The following CACNA1A variants were observed in gnomAD, a reference collection of about 807,000 sequenced individuals.
CACNA1A encodes the protein voltage-dependent P/Q-type calcium channel subunit alpha-1A.
A neutral mutation model predicts 262.4 loss-of-function variants in CACNA1A; 57 were observed. The observed-to-expected ratio is 0.22, with a 90% confidence interval of 0.18 to 0.27. The LOEUF (loss-of-function observed/expected upper bound fraction) is 0.27, where lower values mean the gene tolerates loss of function less well. Ranked by LOEUF, CACNA1A falls within the 10% of genes least tolerant of loss-of-function variation. CACNA1A has a pLI of 1.00. For missense variants in CACNA1A, 2,526 were observed against 3,562.8 expected (o/e 0.71, Z 7.41); for synonymous variants, 1,431 against 1,419.3 (o/e 1.01, Z -0.18).
At chr19:13,246,634 T>TG (rs199602723) in intron 30 of CACNA1A, among the ~76,000 whole-genome samples, 20,899 of 151,692 alleles carry the variant, frequency 0.14, 2,229 homozygotes, top group East Asian at 0.61. Flanking sequence ...TCTGTTTGTT[T>TG]TTTTTTTTTG....
intron 24 of CACNA1A, among the ~76,000 whole-genome samples, chr19:13,265,923 C>A (rs942135582): frequency 6.6e-5 from 10 of 151,670 alleles, no homozygotes; most frequent in Middle Eastern, 3.4e-3. Context: ...CAGCTCACAG[C>A]AGTCTCTGCC....
At chr19:13,243,165 T>C (rs2144683638) in intron 31 of CACNA1A, among the ~76,000 whole-genome samples, 1 of 152,298 alleles carries the variant, frequency 6.6e-6, no homozygotes, top group Admixed American at 6.5e-5. Context: ...CAGCCCTCTC[T>C]AGAAACTCAG....
Position 13,236,043 on chromosome 19 carries a change from G to A in CACNA1A, c.4951-313C>T, listed in dbSNP as rs892700015. Among the ~76,000 whole-genome samples the A allele has an allele frequency of 6.6e-6, 1 of 151,886 alleles. No homozygotes were observed. Among genetic ancestry groups the A allele is most frequent in the Non-Finnish European group, 1.5e-5 (1 of 67,992 alleles). On this transcript the variant is annotated intron_variant, in intron 31 of 46. Transcript: ENST00000360228. This position sits in a 1 kb window ranked among gnomAD's most constrained non-coding sequence, Gnocchi z 4.6. ...AAGGAGGAAAAAGGAACGGGGATGG[G>A]GAAGAAATAACAAAAGAACAAGAAA...
At chr19:13,324,451 C>G (rs2058313193) in intron 10 of CACNA1A, among the ~76,000 whole-genome samples, 1 of 152,128 alleles carries the variant, frequency 6.6e-6, no homozygotes, top group Non-Finnish European at 1.5e-5. Context: ...GCCTTCCCCA[C>G]ACACAAAAAA....
At chr19:13,294,487 CTTTTT>C (rs780908964) in intron 19 of CACNA1A, among the ~76,000 whole-genome samples, 9,514 of 72,252 alleles carry the variant, frequency 0.13, 517 homozygotes, top group South Asian at 0.37. Flanking sequence ...CTGTACCTGG[CTTTTT>C]TTTTTTTTTT....
chr19:13,286,829 G>A lies in CACNA1A; in HGVS notation c.3227C>T (p.Ala1076Val), dbSNP rs199512932. The change falls in exon 20 of 47, where the codon GCG (alanine) becomes GTG (valine). Residue 1076 changes from alanine (A) to valine (V), a missense_variant. Transcript: ENST00000360228. The part of the protein sequence containing the change: ...DNMKNNKLAT[A>V]ESAAPHGSLG... ...GCTGCCGTGGGGAGCGGCCGACTCCGCGGTGGCCAGCTTGTTGTTCTTCAT... is the reference window on the plus strand; with the variant it reads ...GCTGCCGTGGGGAGCGGCCGACTCCACGGTGGCCAGCTTGTTGTTCTTCAT... The A allele has an allele frequency of 4.1e-4, 664 of 1,613,578 alleles. No individual in the cohort carries two copies. Among genetic ancestry groups the A allele is most frequent in the Non-Finnish European group, 5.2e-4 (615 of 1,179,836 alleles).
intron 3 of CACNA1A, among the ~76,000 whole-genome samples, chr19:13,394,026 T>C (rs1408020917): frequency 1.3e-5 from 2 of 152,174 alleles, no homozygotes; most frequent in African/African-American, 2.4e-5. Flanking sequence ...ACTTGTATGA[T>C]ACATGTGCTT....
At chr19:13,325,923 C>T (rs1215612220) in intron 10 of CACNA1A, among the ~76,000 whole-genome samples, 1 of 152,106 alleles carries the variant, frequency 6.6e-6, no homozygotes, top group African/African-American at 2.4e-5. Flanking sequence ...TTAAAACCTA[C>T]TCTCTGAGCA....
At chr19:13,313,048 T>C (rs1278111651) in intron 11 of CACNA1A, among the ~76,000 whole-genome samples, 1 of 151,894 alleles carries the variant, frequency 6.6e-6, no homozygotes, top group South Asian at 2.1e-4. Context: ...TATGTGGAGA[T>C]GGGGGTCTCA....
At chr19:13,416,476 T>C (rs1029870707) in intron 3 of CACNA1A, among the ~76,000 whole-genome samples, 1 of 152,074 alleles carries the variant, frequency 6.6e-6, no homozygotes, top group African/African-American at 2.4e-5. Flanking sequence ...AGATCAGGAA[T>C]TCGGGACCAG....
chr19:13,422,059 C>T (rs1342392426), intron 3 of CACNA1A, among the ~76,000 whole-genome samples: 1 of 152,136 alleles, frequency 6.6e-6, no homozygotes, highest in Non-Finnish European at 1.5e-5. Context: ...GGTGGCTAAC[C>T]CCTGTAATGC....
At chr19:13,250,929 C>T (rs983043514) in intron 30 of CACNA1A, among the ~76,000 whole-genome samples, 3 of 151,346 alleles carry the variant, frequency 2.0e-5, no homozygotes, top group African/African-American at 7.3e-5. Flanking sequence ...GCCAGGAGTT[C>T]GAGACCAGCC....
intron 1 of CACNA1A, among the ~76,000 whole-genome samples, chr19:13,488,371 G>C (rs1323534495): frequency 2.1e-5 from 3 of 145,526 alleles, no homozygotes; most frequent in African/African-American, 5.2e-5. Flanking sequence ...TGGGGCATCA[G>C]CATTTTCCTT....
In CACNA1A at chr19:13,413,313, A is replaced by G. The variant is rs543283220; in HGVS notation, c.539+39563T>C. 7.0e-4 allele frequency among the ~76,000 whole-genome samples: 106 copies of G among 151,136 alleles called. 1 individual carries two copies. Among genetic ancestry groups the G allele is most frequent in the Non-Finnish European group, 9.0e-4 (61 of 67,782 alleles). The stretch of plus-strand genomic sequence containing the variant: ...AGTAGAGATGGGGTTTCACTGTGTT[A>G]GCCAGGATGGTCTCAATCTCCTGAC... On this transcript the variant is annotated intron_variant, in intron 3 of 46. Coordinates refer to ENST00000360228, the MANE Select transcript of CACNA1A (RefSeq NM_001127222.2).
At chr19:13,387,985 G>T (rs2059643875) in intron 3 of CACNA1A, among the ~76,000 whole-genome samples, 1 of 152,152 alleles carries the variant, frequency 6.6e-6, no homozygotes, top group Non-Finnish European at 1.5e-5. Context: ...GAGGAGACAG[G>T]AGAGTGAGAA....
intron 4 of CACNA1A, among the ~76,000 whole-genome samples, chr19:13,366,777 C>T (rs927013248): frequency 6.6e-6 from 1 of 151,948 alleles, no homozygotes; most frequent in Non-Finnish European, 1.5e-5. Flanking sequence ...GTGTCTTTTC[C>T]TCATTCATAA....
intron 27 of CACNA1A, 97 bp from the exon 28 acceptor site, chr19:13,257,648 T>C (rs1038885512): frequency 6.4e-6 from 4 of 628,970 alleles, no homozygotes; most frequent in South Asian, 2.6e-5. Context: ...GGAAGTGAGA[T>C]GGCAGAACAG....
At chr19:13,485,329 T>C (rs1979845077) in intron 1 of CACNA1A, among the ~76,000 whole-genome samples, 1 of 152,170 alleles carries the variant, frequency 6.6e-6, no homozygotes, top group Admixed American at 6.5e-5. Context: ...TAGAAATGAT[T>C]TTCTTAAATA....
At chr19:13,234,449 A>G (rs983892899) in intron 34 of CACNA1A, among the ~76,000 whole-genome samples, 7 of 151,910 alleles carry the variant, frequency 4.6e-5, no homozygotes, top group Admixed American at 3.9e-4. Context: ...CCAAAGAATC[A>G]AGCCTCACGG....
Sources: gnomAD v4.1 joint callset for allele counts (sites outside exome capture counted in the v4.1 genomes callset) on GRCh38, gnomAD v4.1.1 for gene constraint, Gnocchi (gnomAD v3.1) non-coding constraint, MANE v1.5 for transcripts, NCBI Gene and HGNC (gene_info 2026-07-23, HGNC 2026-07-21) for gene names.